CNTNAP3: variants seen among roughly 807,000 people sequenced by gnomAD.
CNTNAP3 encodes contactin associated protein family member 3, also known as contactin-associated protein-like 3.
A neutral mutation model predicts 92.1 loss-of-function variants in CNTNAP3; 36 were observed. That is an observed-to-expected ratio of 0.39 (90% confidence interval 0.30 to 0.52). CNTNAP3 has a LOEUF of 0.52. Among genes scored for constraint, CNTNAP3 ranks in the 20% least tolerant of loss-of-function variants. The probability of loss-of-function intolerance (pLI) is 0.76; values close to 1 mark genes in which losing one functional copy is unlikely to be tolerated. For missense variants in CNTNAP3, 534 were observed against 1,069.6 expected (o/e 0.50, Z 6.98); for synonymous variants, 232 against 422.3 (o/e 0.55, Z 5.53).
At chr9:39,090,840 CCATTT>C (rs1826179986) in intron 18 of CNTNAP3, among the ~76,000 whole-genome samples, 1 of 152,306 alleles carries the variant, frequency 6.6e-6, no homozygotes, top group Non-Finnish European at 1.5e-5. Flanking sequence ...AAATATCTCT[CCATTT>C]ATTTACCTTT....
In CNTNAP3 at chr9:39,110,921, T is replaced by A. The variant is rs1232243561; in HGVS notation, c.2238-1634A>T. Among the ~76,000 whole-genome samples the A allele has an allele frequency of 2.6e-5, 4 of 152,198 alleles. No homozygotes were observed. The East Asian group carries it at 7.7e-4, about 29-fold the overall frequency. On this transcript the variant is annotated intron_variant, in intron 14 of 23. Coordinates refer to ENST00000297668, the MANE Select transcript of CNTNAP3 (RefSeq NM_033655.5). ...TCCACAGTATCTAGTAAATACTGTA[T>A]TTTTTAAATTGCCCAGTTCTCAAAC...
intron 3 of CNTNAP3, among the ~76,000 whole-genome samples, chr9:39,209,583 T>TCCTTCCTTC (rs1381495329): frequency 0.015 from 348 of 23,294 alleles, 5 homozygotes; most frequent in African/African-American, 0.049. Flanking sequence ...CATTCAGACT[T>TCCTTCCTTC]CCTTCCTTCC....
chr9:39,248,544 A>C (rs1387787018), intron 2 of CNTNAP3, among the ~76,000 whole-genome samples: 1 of 41,168 alleles, frequency 2.4e-5, no homozygotes, highest in African/African-American at 8.2e-5. Flanking sequence ...TATATATATA[A>C]ATTTTTTTTT....
intron 14 of CNTNAP3, among the ~76,000 whole-genome samples, chr9:39,113,272 A>T (rs1193982542): frequency 2.0e-5 from 3 of 152,188 alleles, no homozygotes; most frequent in Non-Finnish European, 4.4e-5. Flanking sequence ...GACAGTAGTG[A>T]GTCAATCCAT....
At position 39,078,320 on chromosome 9, in the gene CNTNAP3, C is replaced by T. The variant is rs374458263; in HGVS notation, c.3745+65G>A. The T allele has an allele frequency of 2.5e-4, 400 of 1,611,122 alleles. No individual in the cohort carries two copies. The East Asian group carries it at 7.8e-3, about 32-fold the overall frequency. ...ATTCTTACATATATTTCCCATTGTGCTAAGTAATGGTATCATTATCTAAAG... is the reference window on the plus strand; with the variant it reads ...ATTCTTACATATATTTCCCATTGTGTTAAGTAATGGTATCATTATCTAAAG... On this transcript the variant is annotated intron_variant, in intron 23 of 23. Coordinates refer to ENST00000297668, the MANE Select transcript of CNTNAP3 (RefSeq NM_033655.5).
At chr9:39,107,362 G>A (rs1305106357) in intron 15 of CNTNAP3, among the ~76,000 whole-genome samples, 1 of 146,780 alleles carries the variant, frequency 6.8e-6, no homozygotes, top group Non-Finnish European at 1.5e-5. Flanking sequence ...GAATGGGAGG[G>A]AGGAAGGGAG....
Position 39,141,682 on chromosome 9 carries a change from A to G in CNTNAP3, c.1757-1044T>C, listed in dbSNP as rs1182282213. On this transcript the variant is annotated intron_variant, in intron 11 of 23. Transcript: ENST00000297668. ...ACTTATGGCATATTGATTTAAATAG[A>G]TACATATATTTGTATATGTCTGGTA... 1.1e-4 allele frequency among the ~76,000 whole-genome samples: 17 copies of G among 152,272 alleles called. No individual in the cohort carries two copies. In the South Asian group the frequency reaches 2.3e-3, roughly 20 times the overall value.
chr9:39,082,382 A>G (rs1825965073), intron 21 of CNTNAP3, among the ~76,000 whole-genome samples: 1 of 151,982 alleles, frequency 6.6e-6, no homozygotes, highest in Admixed American at 6.6e-5. Flanking sequence ...TCTATCGAAG[A>G]GAATCTTGAT....
In CNTNAP3 at chr9:39,072,240, G is replaced by A. The variant is rs1400899203; in HGVS notation, c.*1650C>T. Among the ~76,000 whole-genome samples the A allele has an allele frequency of 8.7e-6, 1 of 114,894 alleles. No individual in the cohort carries two copies. Among genetic ancestry groups the A allele is most frequent in the Non-Finnish European group, 1.7e-5 (1 of 58,846 alleles). 75.4% of individuals were successfully genotyped at this position (114,894 alleles called of 152,430 possible). Reference sequence around the variant, plus strand: ...TCATTCTTTCAAAAATAACACATACGAATTTCCATAACAAGATGGAAATTC... The same window carrying A: ...TCATTCTTTCAAAAATAACACATACAAATTTCCATAACAAGATGGAAATTC... On this transcript the variant is annotated 3_prime_UTR_variant, in exon 24 of 24. Transcript: ENST00000297668.
chr9:39,110,424 C>T (rs116408654), intron 14 of CNTNAP3, among the ~76,000 whole-genome samples: 1,590 of 152,122 alleles, frequency 0.01, 30 homozygotes, highest in South Asian at 0.084. Context: ...ACAAAAAACC[C>T]CACACACTCA....
chr9:39,094,962 T>C (rs1826293433), intron 18 of CNTNAP3, among the ~76,000 whole-genome samples: 1 of 151,626 alleles, frequency 6.6e-6, no homozygotes, highest in Admixed American at 6.6e-5. Context: ...TTCCAATTCA[T>C]GAATATGGAA....
intron 14 of CNTNAP3, among the ~76,000 whole-genome samples, chr9:39,112,634 G>A (rs144843496): frequency 0.016 from 2,406 of 152,274 alleles, 67 homozygotes; most frequent in African/African-American, 0.054. Flanking sequence ...AAAGTGCTGG[G>A]ATAACAGGTG....
chr9:39,085,085 GT>G (rs10562419), intron 21 of CNTNAP3: 2 of 140,410 alleles, frequency 1.4e-5, no homozygotes, highest in African/African-American at 2.6e-5. Flanking sequence ...CATAAGATGG[GT>G]TTTTTTAAAA....
At chr9:39,104,658 G>C (rs1347553940) in intron 15 of CNTNAP3, among the ~76,000 whole-genome samples, 1 of 152,148 alleles carries the variant, frequency 6.6e-6, no homozygotes, top group African/African-American at 2.4e-5. Flanking sequence ...TTCTGGTACA[G>C]TGTGTGAGTC....
chr9:39,097,721 G>A (rs559006704), intron 18 of CNTNAP3, among the ~76,000 whole-genome samples: 1 of 145,372 alleles, frequency 6.9e-6, no homozygotes, highest in Non-Finnish European at 1.5e-5. Context: ...TCCATATAGA[G>A]TGGAGCTTCC....
rs1458923060 is a variant in CNTNAP3, at chr9:39,069,190, A to C, written c.*4700T>G. ...CTGTAGAATTGGTCAGGAACTAGAC[A>C]TCTCAGGACCTGCATTCTAACCCAT... On this transcript the variant is annotated 3_prime_UTR_variant, in exon 24 of 24. Coordinates refer to ENST00000297668, the MANE Select transcript of CNTNAP3 (RefSeq NM_033655.5). Among the ~76,000 whole-genome samples the C allele has an allele frequency of 1.3e-5, 2 of 152,250 alleles. No homozygotes were observed. Among genetic ancestry groups the C allele is most frequent in the Non-Finnish European group, 1.5e-5 (1 of 68,044 alleles).
chr9:39,145,756 T>C (rs1167985628), intron 10 of CNTNAP3, among the ~76,000 whole-genome samples: 1 of 138,824 alleles, frequency 7.2e-6, no homozygotes, highest in Admixed American at 6.9e-5. Context: ...GAATCACAAC[T>C]TTTCAAGTAT....
chr9:39,123,091 ATTTT>A (rs773238134), intron 13 of CNTNAP3, among the ~76,000 whole-genome samples: 1 of 129,814 alleles, frequency 7.7e-6, no homozygotes, highest in Non-Finnish European at 1.6e-5. Flanking sequence ...TTGGACAATA[ATTTT>A]TTTTTTTTTT....
intron 12 of CNTNAP3, among the ~76,000 whole-genome samples, chr9:39,136,304 G>C (rs1175802114): frequency 2.0e-5 from 3 of 152,048 alleles, no homozygotes; most frequent in Non-Finnish European, 4.4e-5. Context: ...GAAATCCCCA[G>C]CATCTGGTAT....
Sources: allele counts gnomAD v4.1 joint callset (sites outside exome capture counted in the v4.1 genomes callset), GRCh38; gene constraint gnomAD v4.1.1; transcripts MANE v1.5; gene names NCBI Gene and HGNC (gene_info 2026-07-23, HGNC 2026-07-21).